GCC2: variants seen among roughly 807,000 people sequenced by gnomAD.
The protein encoded by GCC2 is GRIP and coiled-coil domain-containing protein 2.
A neutral mutation model predicts 210.6 loss-of-function variants in GCC2; 120 were observed. The observed-to-expected ratio is 0.57, with a 90% CI of 0.49 to 0.66. GCC2 has a LOEUF of 0.66. Ranked by LOEUF, GCC2 falls within the 30% of genes least tolerant of loss-of-function variation. GCC2 has a pLI of 0.00. For synonymous variants in GCC2, 703 were observed against 652.7 expected, an observed-to-expected ratio of 1.08 and a Z score of -1.17; for missense variants, 1,868 against 1,871.9, an observed-to-expected ratio of 1.00 and a Z score of 0.04.
intron 4 of GCC2, among the ~76,000 whole-genome samples, chr2:108,454,257 T>C (rs1397656483): frequency 6.6e-6 from 1 of 152,236 alleles, no homozygotes; most frequent in East Asian, 1.9e-4. Context: ...CCCGAAGTGC[T>C]GGGTTTACGG....
At chr2:108,468,264 C>T (rs1324749084) in intron 4 of GCC2, among the ~76,000 whole-genome samples, 1 of 152,118 alleles carries the variant, frequency 6.6e-6, no homozygotes, top group South Asian at 2.1e-4. Context: ...CAGAGTTTCA[C>T]CATGTTGCCC....
chr2:108,506,616 A>G (rs1452264731), intron 22 of GCC2, among the ~76,000 whole-genome samples: 5 of 152,214 alleles, frequency 3.3e-5, no homozygotes, highest in Admixed American at 3.3e-4. Context: ...TGATTTTTAA[A>G]TGATTAAAAC....
intron 9 of GCC2, among the ~76,000 whole-genome samples, chr2:108,479,647 A>G (rs1366949836): frequency 6.6e-6 from 1 of 151,784 alleles, no homozygotes; most frequent in Non-Finnish European, 1.5e-5. Flanking sequence ...TCTCAAAAAA[A>G]AGATTTCGCA....
At chr2:108,451,368 A>C (rs1438494925) in intron 3 of GCC2, among the ~76,000 whole-genome samples, 1 of 152,222 alleles carries the variant, frequency 6.6e-6, no homozygotes, top group Non-Finnish European at 1.5e-5. Context: ...GTGTAAGTTA[A>C]GTGTGTTTTT....
At chr2:108,505,223 G>T (rs1041371185) in intron 22 of GCC2, among the ~76,000 whole-genome samples, 2 of 152,224 alleles carry the variant, frequency 1.3e-5, no homozygotes, top group African/African-American at 4.8e-5. Flanking sequence ...ACAACAGTCT[G>T]CATTTCAGTT....
chr2:108,470,468 G>A lies in GCC2; in HGVS notation c.1139G>A (p.Arg380Gln), dbSNP rs574072336. 3.7e-6 allele frequency: 6 copies of A among 1,607,800 alleles called. No individual in the cohort carries two copies. The highest frequency in any genetic ancestry group is 1.1e-5 in the South Asian group (1 of 90,684). ...ATAAAGGATGAGTTTTTTCATGAAC[G>A]GGAAGACTTAGAGTTTAAAATTAAT... ...QHIKDEFFHEREDLEFKINEL... is the reference protein window; with the variant it reads ...QHIKDEFFHEQEDLEFKINEL... The change falls in exon 6 of 23, where the codon CGG becomes CAG. Residue 380 changes from arginine (R) to glutamine (Q), a missense_variant. This residue lies in a region of GCC2 where 1,847 missense variants were observed against 1,765.2 expected (regional missense o/e 1.05). Coordinates refer to ENST00000309863, the MANE Select transcript of GCC2 (RefSeq NM_181453.4).
intron 16 of GCC2, among the ~76,000 whole-genome samples, chr2:108,487,241 G>C: frequency 6.6e-6 from 1 of 152,160 alleles, no homozygotes; most frequent in East Asian, 1.9e-4. Context: ...TGTTTATTAA[G>C]TTCCAAAAGC....
intron 13 of GCC2, 50 bp from the exon 14 acceptor site, chr2:108,485,586 C>T (rs1462040439): frequency 1.1e-6 from 1 of 943,922 alleles, no homozygotes; most frequent in East Asian, 2.5e-5. Flanking sequence ...TTTAAATTCA[C>T]TGATAAAAAT....
intron 18 of GCC2, among the ~76,000 whole-genome samples, chr2:108,490,290 C>G (rs1231468802): frequency 6.6e-6 from 1 of 152,094 alleles, no homozygotes; most frequent in Non-Finnish European, 1.5e-5. Flanking sequence ...AAAAAACAAA[C>G]AAAAACATAC....
chr2:108,503,496 A>G (rs1174275006), intron 22 of GCC2, among the ~76,000 whole-genome samples: 4 of 152,328 alleles, frequency 2.6e-5, no homozygotes, highest in South Asian at 4.1e-4. Flanking sequence ...ACTTACCACC[A>G]TATTACAGAT....
intron 4 of GCC2, among the ~76,000 whole-genome samples, chr2:108,454,573 TACA>T (rs1345308918): frequency 2.0e-5 from 3 of 152,248 alleles, no homozygotes; most frequent in Non-Finnish European, 4.4e-5. Flanking sequence ...ATAGCCACAG[TACA>T]ACTATATGTT....
intron 16 of GCC2, 140 bp downstream of exon 16, chr2:108,486,788 C>T: frequency 3.3e-6 from 2 of 609,634 alleles, no homozygotes; most frequent in Non-Finnish European, 5.1e-6. Context: ...TTCAGTTAAT[C>T]TGGCTTTAAC....
At chr2:108,487,659 G>A (rs1295290059) in intron 16 of GCC2, 40 bp from the exon 17 acceptor site, 1 of 1,564,224 alleles carries the variant, frequency 6.4e-7, no homozygotes, top group Non-Finnish European at 8.6e-7. Context: ...GAAGGACCCT[G>A]TTACAGTAGA....
chr2:108,485,799 A>C, intron 14 of GCC2, 32 bp from the exon 15 acceptor site: 1 of 1,472,880 alleles, frequency 6.8e-7, no homozygotes, highest in South Asian at 1.2e-5. Flanking sequence ...AGTAACATTA[A>C]AAAAAATTTA....
rs34052393 is a variant in GCC2, at chr2:108,459,745, CTTTTTT to C, written c.216+7307_216+7312del. Among the ~76,000 whole-genome samples the C allele has an allele frequency of 4.0e-3, 107 of 26,768 alleles. No individual in the cohort carries two copies. The East Asian group carries it at 0.07, about 18-fold the overall frequency. 17.6% of individuals were successfully genotyped at this position (26,768 alleles called of 152,430 possible). A position where few individuals can be genotyped will look rare whatever the true frequency, so the allele number is the denominator to read the frequency against. On this transcript the variant is annotated intron_variant, in intron 4 of 22. Transcript: ENST00000309863. The stretch of plus-strand genomic sequence containing the variant: ...GCCATTAGATAATGACCTTCTTTGT[CTTTTTT>C]TTTTTTTTTTTTTTTTTTTTTTTTT...
At position 108,492,611 on chromosome 2, in the gene GCC2, C is replaced by T. The variant is rs778728618; in HGVS notation, c.4268C>T (p.Ser1423Phe). The T allele has an allele frequency of 6.2e-7, 1 of 1,613,474 alleles. No individual in the cohort carries two copies. The highest frequency in any genetic ancestry group is 8.5e-7 in the Non-Finnish European group (1 of 1,179,388). ...CAGTCAGAGAACATGATGATGAAAT[C>T]TGAACATACACAGACTGTGAGTCAG... ...SIQSENMMMK[S>F]EHTQTVSQLT... The change falls in exon 19 of 23, where the codon TCT (serine) becomes TTT (phenylalanine). Residue 1423 changes from serine to phenylalanine, a missense_variant. Around this residue, in one of 3 missense-constraint regions of GCC2, gnomAD observed 1,847 missense variants for 1,765.2 expected, o/e 1.05. Transcript: ENST00000309863.
In GCC2 at chr2:108,497,015, A is replaced by G; in HGVS notation, c.4688A>G (p.Gln1563Arg). 2 of 1,612,064 alleles carry G rather than the reference A, an allele frequency of 1.2e-6. No individual in the cohort carries two copies. The highest frequency in any genetic ancestry group is 1.7e-6 in the Non-Finnish European group (2 of 1,179,860). The change falls in exon 21 of 23, where the codon CAG becomes CGG. Residue 1563 changes from glutamine (Q) to arginine (R), a missense_variant. Transcript: ENST00000309863. ...GAATTTACCAAAGAAGAATTGGTTCAGAAGCTCAGTTCCACCACAAAAAGT... is the reference window on the plus strand; with the variant it reads ...GAATTTACCAAAGAAGAATTGGTTCGGAAGCTCAGTTCCACCACAAAAAGT... ...HAEFTKEELV[Q>R]KLSSTTKSAD...
chr2:108,452,400 A>G lies in GCC2; in HGVS notation c.150A>G (p.Glu50=). 6.7e-7 allele frequency: 1 copy of G among 1,481,884 alleles called. No homozygotes were observed. Among genetic ancestry groups the G allele is most frequent in the South Asian group, 1.1e-5 (1 of 88,032 alleles). The allele number at this position is 1,481,884 out of a possible 1,614,324, so 91.8% of individuals were successfully genotyped here. ...GTCCTTTATTTTTTAATTGTTTAGA[A>G]TTGGAGAAAGAAATTGAAGAACTCA... is the stretch of plus-strand genomic sequence containing the variant. The part of the protein sequence containing the change: ...LIQKAKSRCT[E]LEKEIEELRS... The change falls in exon 4 of 23, where the codon GAA becomes GAG. Residue 50 remains glutamate (E), a splice_region_variant and synonymous_variant. Coordinates refer to ENST00000309863, the MANE Select transcript of GCC2 (RefSeq NM_181453.4).
intron 3 of GCC2, 116 bp downstream of exon 3, chr2:108,451,228 C>A: frequency 3.1e-6 from 2 of 641,338 alleles, no homozygotes; most frequent in East Asian, 5.6e-5. Flanking sequence ...ATTCCAAGTA[C>A]ACCTTAGTGT....
Sources: gnomAD v4.1 joint callset for allele counts (sites outside exome capture counted in the v4.1 genomes callset) on GRCh38, gnomAD v4.1.1 for gene constraint, gnomAD v4.1.1 regional missense constraint, MANE v1.5 for transcripts, NCBI Gene and HGNC (gene_info 2026-07-23, HGNC 2026-07-21) for gene names.